PPM1L: variants seen among roughly 807,000 people sequenced by gnomAD.
PPM1L encodes the protein protein phosphatase 1L.
In PPM1L, 13 loss-of-function variants were observed where a neutral mutation model predicts 31.4. That is an observed-to-expected ratio of 0.41 (90% CI 0.27 to 0.66). PPM1L has a LOEUF of 0.66. PPM1L is among the 30% of genes least tolerant of loss of function. The pLI, the probability that PPM1L is intolerant of heterozygous loss-of-function variation, is 0.29. For synonymous variants in PPM1L, 184 were observed against 175.4 expected (o/e 1.05, Z -0.39); for missense variants, 326 against 453.7 (o/e 0.72, Z 2.56).
At chr3:161,001,824 ATCTT>A (rs1295499096) in intron 2 of PPM1L, among the ~76,000 whole-genome samples, 1 of 151,952 alleles carries the variant, frequency 6.6e-6, no homozygotes, top group African/African-American at 2.4e-5. Flanking sequence ...CATTTTAAGG[ATCTT>A]TCTTTTTTTT....
At chr3:160,803,759 A>G (rs1712508273) in intron 1 of PPM1L, among the ~76,000 whole-genome samples, 2 of 152,206 alleles carry the variant, frequency 1.3e-5, no homozygotes, top group African/African-American at 4.8e-5. Context: ...CAGTTGATGG[A>G]TAGAGAGCAG....
chr3:160,868,214 T>C (rs1712162105), intron 1 of PPM1L, among the ~76,000 whole-genome samples: 1 of 152,204 alleles, frequency 6.6e-6, no homozygotes, highest in African/African-American at 2.4e-5. Flanking sequence ...TGTTTTTCTG[T>C]GTACAAATAC....
rs911109881 is a variant in PPM1L at position 160,810,777 on chromosome 3, C to T, written c.399+54070C>T. 2.6e-5 allele frequency among the ~76,000 whole-genome samples: 4 copies of T among 152,322 alleles called. No homozygotes were observed. The East Asian group carries it at 7.7e-4, about 29-fold the overall frequency. ...ATTATTTTGCCTTGCATAGCAAAAT[C>T]TGAATGTCGTTTAAAATGCTCCTCA... On this transcript the variant is annotated intron_variant, in intron 1 of 3. Coordinates refer to ENST00000498165, the MANE Select transcript of PPM1L (RefSeq NM_139245.4).
chr3:161,027,833 G>T (rs1718452273), intron 2 of PPM1L, among the ~76,000 whole-genome samples: 1 of 152,144 alleles, frequency 6.6e-6, no homozygotes, highest in African/African-American at 2.4e-5. Flanking sequence ...AAAAAAATTT[G>T]CAAAAAGAGA....
rs547319142 is a variant in PPM1L at position 160,997,888 on chromosome 3, C to T, written c.574+35978C>T. Among the ~76,000 whole-genome samples, 155 of 152,184 alleles carry T rather than the reference C, an allele frequency of 1.0e-3. 1 individual carries two copies. Among genetic ancestry groups the T allele is most frequent in the African/African-American group, 3.5e-3 (144 of 41,534 alleles). ...ATCTCAAAATAAAATTGTATATGTC[C>T]TGAAGAACCTCCAAAACTTTCAATA... On this transcript the variant is annotated intron_variant, in intron 2 of 3. Coordinates refer to ENST00000498165, the MANE Select transcript of PPM1L (RefSeq NM_139245.4).
chr3:160,985,164 T>A (rs1300193266), intron 2 of PPM1L, among the ~76,000 whole-genome samples: 1 of 152,216 alleles, frequency 6.6e-6, no homozygotes, highest in African/African-American at 2.4e-5. Context: ...TTAGTATTTT[T>A]ATTTTATTAA....
chr3:160,814,578 TATATACACACAC>T (rs1354853368), intron 1 of PPM1L, among the ~76,000 whole-genome samples: 2 of 90,028 alleles, frequency 2.2e-5, no homozygotes, highest in Non-Finnish European at 4.5e-5. Flanking sequence ...TATGTGTATA[TATATACACACAC>T]ATATGTATGT....
rs193298879 is a variant in PPM1L at position 160,849,514 on chromosome 3, G to A, written c.399+92807G>A. On this transcript the variant is annotated intron_variant, in intron 1 of 3. Coordinates refer to ENST00000498165, the MANE Select transcript of PPM1L (RefSeq NM_139245.4). ...TGGCTCACTGCAAGCTCCACCTCCC[G>A]GGTTCATGCCATTCTCCTGCCTCAG... 8.0e-3 allele frequency among the ~76,000 whole-genome samples: 1,210 copies of A among 151,804 alleles called. 15 individuals are homozygous for A. Among genetic ancestry groups the A allele is most frequent in the Middle Eastern group, 0.041 (12 of 292 alleles).
At chr3:161,052,891 G>C (rs1022738729) in intron 2 of PPM1L, among the ~76,000 whole-genome samples, 12 of 152,214 alleles carry the variant, frequency 7.9e-5, no homozygotes, top group Middle Eastern at 3.4e-3. Flanking sequence ...CCCTTTTCCT[G>C]TCTCTGCCTT....
At chr3:160,811,947 C>T (rs1165067499) in intron 1 of PPM1L, among the ~76,000 whole-genome samples, 1 of 152,172 alleles carries the variant, frequency 6.6e-6, no homozygotes, top group Non-Finnish European at 1.5e-5. Flanking sequence ...CCAGGGCTTG[C>T]CAGGCACTTG....
At chr3:160,845,431 A>G (rs993158649) in intron 1 of PPM1L, among the ~76,000 whole-genome samples, 1 of 151,870 alleles carries the variant, frequency 6.6e-6, no homozygotes, top group East Asian at 1.9e-4. Context: ...TGTTTTTTCC[A>G]TTCTTTGGGT....
intron 1 of PPM1L, among the ~76,000 whole-genome samples, chr3:160,816,225 A>ATG (rs1712989724): frequency 2.0e-5 from 3 of 151,282 alleles, no homozygotes; most frequent in African/African-American, 4.9e-5. Flanking sequence ...GATTGTGTCT[A>ATG]TGTGTGTGTA....
intron 1 of PPM1L, among the ~76,000 whole-genome samples, chr3:160,882,507 A>G (rs1056807057): frequency 6.6e-6 from 1 of 152,226 alleles, no homozygotes; most frequent in African/African-American, 2.4e-5. Context: ...GTTATGTAAA[A>G]TCAAAAAGAT....
intron 1 of PPM1L, among the ~76,000 whole-genome samples, chr3:160,778,595 A>G (rs112350210): frequency 0.017 from 2,538 of 152,352 alleles, 68 homozygotes; most frequent in African/African-American, 0.057. Flanking sequence ...TGAGACTAAG[A>G]TAGAATAACT....
chr3:160,919,083 G>T (rs1714296051), intron 1 of PPM1L, among the ~76,000 whole-genome samples: 1 of 152,144 alleles, frequency 6.6e-6, no homozygotes, highest in Non-Finnish European at 1.5e-5. Flanking sequence ...TAATGTCTTT[G>T]AAATCCTTTT....
chr3:160,977,970 G>C (rs954658305), intron 2 of PPM1L, among the ~76,000 whole-genome samples: 3 of 152,108 alleles, frequency 2.0e-5, no homozygotes, highest in African/African-American at 4.8e-5. Context: ...TCTTAGTCTG[G>C]GTTCCTCAAA....
At chr3:160,888,869 C>T (rs1713029381) in intron 1 of PPM1L, among the ~76,000 whole-genome samples, 1 of 152,038 alleles carries the variant, frequency 6.6e-6, no homozygotes, top group South Asian at 2.1e-4. Flanking sequence ...TTCTGAATGA[C>T]TCCTGGATAA....
intron 1 of PPM1L, among the ~76,000 whole-genome samples, chr3:160,857,438 C>G (rs1417599209): frequency 6.6e-6 from 1 of 152,152 alleles, no homozygotes; most frequent in African/African-American, 2.4e-5. Context: ...CCAGATCAGA[C>G]TTTGTGACTA....
At chr3:160,967,029 G>A (rs1054150226) in intron 2 of PPM1L, among the ~76,000 whole-genome samples, 3 of 152,084 alleles carry the variant, frequency 2.0e-5, no homozygotes, top group African/African-American at 4.8e-5. Flanking sequence ...ATCCCCATGT[G>A]TCATAGGAGG....
Sources: allele counts gnomAD v4.1 joint callset (sites outside exome capture counted in the v4.1 genomes callset), GRCh38; gene constraint gnomAD v4.1.1; transcripts MANE v1.5; gene names NCBI Gene and HGNC (gene_info 2026-07-23, HGNC 2026-07-21).